ABCG2: variants seen among roughly 807,000 people sequenced by gnomAD.
ABCG2 encodes ATP binding cassette subfamily G member 2 (JR blood group), also known as broad substrate specificity ATP-binding cassette transporter ABCG2.
Under a neutral mutation model 73.5 loss-of-function variants are expected in ABCG2, and 80 were observed. That is an observed-to-expected ratio of 1.09 (90% CI 0.91 to 1.31). The LOEUF is 1.31. ABCG2 is among the 50% of genes most tolerant of loss of function. The probability of loss-of-function intolerance (pLI) is 0.00; values close to 1 mark genes in which losing one functional copy is unlikely to be tolerated. For synonymous variants in ABCG2, 269 were observed against 282.4 expected, an observed-to-expected ratio of 0.95 and a Z score of 0.48; for missense variants, 796 against 786.2, an observed-to-expected ratio of 1.01 and a Z score of -0.15.
intron 1 of ABCG2, among the ~76,000 whole-genome samples, chr4:88,226,981 G>GC (rs1316795290): frequency 6.6e-6 from 1 of 152,104 alleles, no homozygotes; most frequent in Non-Finnish European, 1.5e-5. Context: ...GTGTGGTGGT[G>GC]CGTGCCTGTG....
chr4:88,164,161 G>A (rs1301179547), upstream of ABCG2, among the ~76,000 whole-genome samples: 1 of 152,004 alleles, frequency 6.6e-6, no homozygotes, highest in Non-Finnish European at 1.5e-5. Flanking sequence ...CTGCCTTGCG[G>A]GTTCAAGCGA....
intron 1 of ABCG2, among the ~76,000 whole-genome samples, chr4:88,181,437 G>C (rs1274346797): frequency 8.1e-6 from 1 of 123,016 alleles, no homozygotes; most frequent in Admixed American, 7.8e-5. Context: ...TGGGCTGTAA[G>C]ATATTATTTG....
At chr4:88,192,412 C>T (rs1445661812) in intron 1 of ABCG2, among the ~76,000 whole-genome samples, 1 of 151,954 alleles carries the variant, frequency 6.6e-6, no homozygotes, top group Non-Finnish European at 1.5e-5. Context: ...CTTTCCTTTT[C>T]CCTTTCTTTT....
intron 1 of ABCG2, among the ~76,000 whole-genome samples, chr4:88,152,581 G>C (rs1032879715): frequency 6.6e-6 from 1 of 152,086 alleles, no homozygotes; most frequent in African/African-American, 2.4e-5. Flanking sequence ...AATTTCACAA[G>C]GTAATGTCAT....
intron 2 of ABCG2, 43 bp from the exon 3 acceptor site, chr4:88,132,678 T>C: frequency 6.2e-7 from 1 of 1,605,386 alleles, no homozygotes; most frequent in Non-Finnish European, 8.5e-7. Flanking sequence ...CCATTTTAAG[T>C]CAGGTTCTAT....
At chr4:88,151,434 T>C (rs1327624029) in intron 1 of ABCG2, among the ~76,000 whole-genome samples, 4 of 152,136 alleles carry the variant, frequency 2.6e-5, no homozygotes, top group African/African-American at 9.7e-5. Flanking sequence ...ATCATCGGAA[T>C]TGCAGTAAAA....
chr4:88,176,632 C>T (rs1248123383), intron 1 of ABCG2, among the ~76,000 whole-genome samples: 1 of 148,530 alleles, frequency 6.7e-6, no homozygotes, highest in Non-Finnish European at 1.5e-5. Flanking sequence ...AGGCACATGC[C>T]AGCACACCTG....
chr4:88,100,306 C>T (rs781433914), intron 11 of ABCG2, among the ~76,000 whole-genome samples: 9 of 152,054 alleles, frequency 5.9e-5, no homozygotes, highest in Admixed American at 2.6e-4. Flanking sequence ...TTGAGACCAG[C>T]CTGGCCAACA....
chr4:88,096,290 C>A (rs907832118), intron 13 of ABCG2, among the ~76,000 whole-genome samples: 1 of 152,224 alleles, frequency 6.6e-6, no homozygotes, highest in Non-Finnish European at 1.5e-5. Flanking sequence ...CCACCACAAG[C>A]ATACTGGTAT....
chr4:88,115,621 CAAAAAAAA>C (rs34465562), intron 7 of ABCG2, among the ~76,000 whole-genome samples: 5 of 107,954 alleles, frequency 4.6e-5, no homozygotes, highest in African/African-American at 1.3e-4. Flanking sequence ...GTCTCTGGGC[CAAAAAAAA>C]AAAAAAAAAG....
At chr4:88,189,698 T>C (rs1434675449) in intron 1 of ABCG2, among the ~76,000 whole-genome samples, 1 of 152,144 alleles carries the variant, frequency 6.6e-6, no homozygotes, top group Non-Finnish European at 1.5e-5. Flanking sequence ...CAGAAATAAT[T>C]TTACTTTCTC....
intron 1 of ABCG2, among the ~76,000 whole-genome samples, chr4:88,181,626 A>G (rs1025975999): frequency 5.3e-5 from 8 of 151,946 alleles, no homozygotes; most frequent in African/African-American, 1.9e-4. Context: ...AGCTAATCAG[A>G]AGGCTGAGGT....
intron 1 of ABCG2, among the ~76,000 whole-genome samples, chr4:88,218,925 T>C (rs1037251969): frequency 2.0e-5 from 3 of 152,178 alleles, no homozygotes; most frequent in Non-Finnish European, 4.4e-5. Flanking sequence ...AATCACTCTA[T>C]ATTGGCATTG....
rs562359490 is a variant in ABCG2 at position 88,143,659 on chromosome 4, G to A, written c.-19-3645C>T. ...GTGTAATTCACATTACTCAGGAGCT[G>A]TTTCATTCCTGGCTAGGATTCTAAC... On this transcript the variant is annotated intron_variant, in intron 1 of 15. Coordinates refer to ENST00000237612, the MANE Select transcript of ABCG2 (RefSeq NM_004827.3). 2.0e-5 allele frequency among the ~76,000 whole-genome samples: 3 copies of A among 152,184 alleles called. No homozygotes were observed. In the East Asian group the frequency reaches 5.8e-4, roughly 29 times the overall value.
At chr4:88,093,503 CAAAAAAAAAAAA>C (rs10533191) in intron 15 of ABCG2, among the ~76,000 whole-genome samples, 2 of 105,006 alleles carry the variant, frequency 1.9e-5, no homozygotes, top group South Asian at 3.4e-4. Context: ...GACTCCATTT[CAAAAAAAAAAAA>C]AAAAAAAAAG....
chr4:88,114,915 T>C (rs1405226028), intron 8 of ABCG2, 42 bp downstream of exon 8: 2 of 1,439,856 alleles, frequency 1.4e-6, no homozygotes, highest in Non-Finnish European at 1.9e-6. Flanking sequence ...CTTCAGCCAA[T>C]TCAATTAGGC....
intron 1 of ABCG2, among the ~76,000 whole-genome samples, chr4:88,187,365 C>A (rs945510658): frequency 1.3e-5 from 2 of 152,052 alleles, no homozygotes; most frequent in African/African-American, 2.4e-5. Flanking sequence ...ATAATCCCAG[C>A]ACTTTGGGAG....
At chr4:88,195,484 G>A (rs1054163005) in intron 1 of ABCG2, among the ~76,000 whole-genome samples, 9 of 152,076 alleles carry the variant, frequency 5.9e-5, no homozygotes, top group African/African-American at 9.7e-5. Context: ...TGTTAGTAGC[G>A]GCCAATCCAC....
At chr4:88,175,241 A>C (rs1560737640) in intron 1 of ABCG2, among the ~76,000 whole-genome samples, 1 of 152,192 alleles carries the variant, frequency 6.6e-6, no homozygotes, top group Non-Finnish European at 1.5e-5. Flanking sequence ...CAAAATTATA[A>C]ATCTAAAAAC....
Sources: gnomAD v4.1 joint callset for allele counts (sites outside exome capture counted in the v4.1 genomes callset) on GRCh38, gnomAD v4.1.1 for gene constraint, MANE v1.5 for transcripts, NCBI Gene and HGNC (gene_info 2026-07-23, HGNC 2026-07-21) for gene names.